TRHDE: variants seen among roughly 807,000 people sequenced by gnomAD.
TRHDE encodes the protein thyrotropin releasing hormone degrading enzyme.
In TRHDE, 72 loss-of-function variants were observed where a neutral mutation model predicts 125.7. The observed-to-expected ratio is 0.57, with a 90% CI of 0.47 to 0.70. The LOEUF is 0.70. TRHDE is among the 30% of genes least tolerant of loss of function. The pLI, the probability that TRHDE is intolerant of heterozygous loss-of-function variation, is 0.00. For missense variants in TRHDE, 1,110 were observed against 1,327.1 expected, an observed-to-expected ratio of 0.84 and a Z score of 2.54; for synonymous variants, 509 against 509.1, an observed-to-expected ratio of 1.00 and a Z score of 0.00.
At chr12:72,126,892 G>A (rs984636429) in intron 2 of TRHDE, among the ~76,000 whole-genome samples, 2 of 151,964 alleles carry the variant, frequency 1.3e-5, no homozygotes, top group African/African-American at 2.4e-5. Flanking sequence ...CCAAAGAAAC[G>A]ATCAACAGAG....
intron 2 of TRHDE, among the ~76,000 whole-genome samples, chr12:72,260,646 C>A (rs1374155406): frequency 6.6e-6 from 1 of 152,088 alleles, no homozygotes; most frequent in Non-Finnish European, 1.5e-5. Context: ...CTGAAGAGCA[C>A]CCTTATCAGG....
intron 2 of TRHDE, among the ~76,000 whole-genome samples, chr12:72,372,301 G>A (rs1157840560): frequency 1.3e-5 from 2 of 152,072 alleles, no homozygotes; most frequent in Non-Finnish European, 2.9e-5. Flanking sequence ...CCCTTTGTCA[G>A]ATGAGTAGGT....
chr12:72,634,423 C>CT (rs779986201), intron 15 of TRHDE, among the ~76,000 whole-genome samples: 138 of 134,450 alleles, frequency 1.0e-3, no homozygotes, highest in South Asian at 2.2e-3. Flanking sequence ...GGAATATTTT[C>CT]TTTTTTTTTT....
At chr12:72,349,549 T>C (rs1870485430) in intron 2 of TRHDE, among the ~76,000 whole-genome samples, 1 of 148,826 alleles carries the variant, frequency 6.7e-6, no homozygotes, top group African/African-American at 2.5e-5. Flanking sequence ...TTTGCCTTTT[T>C]TTGGGCGGGG....
intron 5 of TRHDE, among the ~76,000 whole-genome samples, chr12:72,484,219 C>A (rs536141136): frequency 6.6e-6 from 1 of 152,148 alleles, no homozygotes; most frequent in South Asian, 2.1e-4. Context: ...GACTAATGTG[C>A]AAAATGAATG....
chr12:72,197,645 T>C lies in TRHDE; in HGVS notation n.279+91893T>C, dbSNP rs539737447. Among the ~76,000 whole-genome samples, 77 of 152,240 alleles carry C rather than the reference T, an allele frequency of 5.1e-4. 1 individual carries two copies. Among genetic ancestry groups the C allele is most frequent in the African/African-American group, 1.5e-3 (62 of 41,554 alleles). ...ATTCCTTCCTCTCTAACTTCTTGTG[T>C]TCCTCTCTTTCTTGTTTCTACTTTG... On this transcript the variant is annotated intron_variant and non_coding_transcript_variant, in intron 2 of 4. Transcript: ENST00000548156.
chr12:72,426,484 A>G (rs1337268841), intron 3 of TRHDE, among the ~76,000 whole-genome samples: 1 of 152,156 alleles, frequency 6.6e-6, no homozygotes, highest in East Asian at 1.9e-4. Flanking sequence ...TTTATAAATA[A>G]TCTACATGTA....
At chr12:72,250,889 A>G (rs1032576260) in intron 2 of TRHDE, among the ~76,000 whole-genome samples, 5 of 132,384 alleles carry the variant, frequency 3.8e-5, no homozygotes, top group Non-Finnish European at 8.3e-5. Flanking sequence ...TACTTTATTT[A>G]GAGCATAAGA....
intron 6 of TRHDE, among the ~76,000 whole-genome samples, chr12:72,525,624 TGTGTGTGTGTGAGAGAGAGA>T (rs1868318921): frequency 6.7e-6 from 1 of 148,444 alleles, no homozygotes; most frequent in South Asian, 2.1e-4. Context: ...TGTGTGTGTG[TGTGTGTGTGTGAGAGAGAGA>T]GAGAGAGAGA....
rs147311385 is a variant in TRHDE, at chr12:72,205,840, T to A, written n.279+100088T>A. 7.1e-4 allele frequency among the ~76,000 whole-genome samples: 108 copies of A among 152,338 alleles called. 1 individual carries two copies. The East Asian group carries it at 0.016, about 23-fold the overall frequency. ...ATGTTCAAATATCTCTTTGAGATCC[T>A]GTTTTTAATGCTTTTGAGTATATAC... On this transcript the variant is annotated intron_variant and non_coding_transcript_variant, in intron 2 of 4. Coordinates refer to the TRHDE transcript ENST00000548156.
At chr12:72,610,385 G>A (rs1381689009) in intron 12 of TRHDE, among the ~76,000 whole-genome samples, 3 of 152,164 alleles carry the variant, frequency 2.0e-5, no homozygotes, top group Non-Finnish European at 4.4e-5. Flanking sequence ...AGTGAGAGAA[G>A]ATCAACTGGG....
chr12:72,087,503 C>T lies in TRHDE; in HGVS notation n.174+64C>T, dbSNP rs546915656. 5.9e-5 allele frequency: 9 copies of T among 152,278 alleles called. No homozygotes were observed. In the East Asian group the frequency reaches 1.5e-3, roughly 26 times the overall value. 9.4% of individuals were successfully genotyped at this position (152,278 alleles called of 1,614,324 possible). A position where few individuals can be genotyped will look rare whatever the true frequency, so the allele number is the denominator to read the frequency against. ...TAATCTTAGACCACAGAAGTGTCAT[C>T]TATTCCTCTGGGACAGAAAGAAAGG... On this transcript the variant is annotated intron_variant and non_coding_transcript_variant, in intron 1 of 4. Coordinates refer to the TRHDE transcript ENST00000548156.
chr12:72,508,493 T>C (rs956030838), intron 6 of TRHDE, among the ~76,000 whole-genome samples: 5 of 152,358 alleles, frequency 3.3e-5, no homozygotes, highest in African/African-American at 1.2e-4. Flanking sequence ...ACATGGGGCC[T>C]GTAGTCCCTT....
intron 3 of TRHDE, among the ~76,000 whole-genome samples, chr12:72,429,404 C>T (rs980620543): frequency 2.0e-5 from 3 of 150,702 alleles, no homozygotes; most frequent in Non-Finnish European, 4.4e-5. Flanking sequence ...AAAAGATATA[C>T]CACATTTTAT....
chr12:72,568,522 T>C, intron 9 of TRHDE, 46 bp from the exon 10 acceptor site: 1 of 1,429,866 alleles, frequency 7.0e-7, no homozygotes, highest in Non-Finnish European at 9.7e-7. Flanking sequence ...TGTTTTTGTT[T>C]CGATATAGTT....
intron 6 of TRHDE, among the ~76,000 whole-genome samples, chr12:72,539,943 C>T (rs1198652414): frequency 6.6e-6 from 1 of 151,568 alleles, no homozygotes; most frequent in Admixed American, 6.6e-5. Context: ...ATGTAAGTTA[C>T]AATATTGTAA....
At chr12:72,511,209 T>C (rs1371803948) in intron 6 of TRHDE, among the ~76,000 whole-genome samples, 1 of 152,176 alleles carries the variant, frequency 6.6e-6, no homozygotes, top group Non-Finnish European at 1.5e-5. Flanking sequence ...AAAAAATTCC[T>C]CCTGAATATT....
chr12:72,227,762 A>G (rs1878163434), intron 2 of TRHDE, among the ~76,000 whole-genome samples: 1 of 152,232 alleles, frequency 6.6e-6, no homozygotes, highest in Non-Finnish European at 1.5e-5. Flanking sequence ...ATGGGGGTAC[A>G]GGCTTTGGGT....
intron 2 of TRHDE, among the ~76,000 whole-genome samples, chr12:72,368,072 A>G (rs1278907831): frequency 1.3e-5 from 2 of 152,186 alleles, no homozygotes; most frequent in Admixed American, 6.5e-5. Flanking sequence ...ACGTGATTAT[A>G]TAACAACTAC....
Sources: allele counts gnomAD v4.1 joint callset (sites outside exome capture counted in the v4.1 genomes callset), GRCh38; gene constraint gnomAD v4.1.1; transcripts MANE v1.5; gene names NCBI Gene and HGNC (gene_info 2026-07-23, HGNC 2026-07-21).